Variants in AUTS2 observed in about 807,000 individuals in gnomAD.
AUTS2 encodes the protein autism susceptibility gene 2 protein.
A neutral mutation model predicts 112.4 loss-of-function variants in AUTS2; 17 were observed. The observed-to-expected ratio is 0.15, with a 90% CI of 0.10 to 0.23. AUTS2 has a LOEUF of 0.23. AUTS2 is among the 10% of genes least tolerant of loss of function. AUTS2 has a pLI of 1.00. For missense variants in AUTS2, 1,510 were observed against 1,701.6 expected (o/e 0.89, Z 1.98); for synonymous variants, 751 against 702.7 (o/e 1.07, Z -1.09).
At chr7:70,499,799 A>G (rs780135244) in intron 5 of AUTS2, among the ~76,000 whole-genome samples, 6 of 152,252 alleles carry the variant, frequency 3.9e-5, no homozygotes, top group Non-Finnish European at 5.9e-5. Flanking sequence ...GTTAGTTTAC[A>G]GCAAGGTAAG....
In AUTS2 at chr7:69,730,019, T is replaced by TTTTTTTTTTTTTA. The variant is rs10684332; in HGVS notation, c.309+130057_309+130058insTTTTTTTTTTTTA. On this transcript the variant is annotated intron_variant, in intron 1 of 18. Transcript: ENST00000342771. ...ATTTTTTTTTTTTTTTTTTTTTTTT[T>TTTTTTTTTTTTTA]AGAAACTAGGTCTTCCTAAGTAAGT... 2.7e-3 allele frequency among the ~76,000 whole-genome samples: 351 copies of TTTTTTTTTTTTTA among 131,934 alleles called. 13 individuals carry two copies. Among genetic ancestry groups the TTTTTTTTTTTTTA allele is most frequent in the African/African-American group, 6.8e-3 (217 of 32,018 alleles). The allele number at this position is 131,934 out of a possible 152,430, so 86.6% of individuals were successfully genotyped here.
chr7:70,063,784 C>T (rs1802366331), intron 2 of AUTS2, among the ~76,000 whole-genome samples: 1 of 152,182 alleles, frequency 6.6e-6, no homozygotes, highest in African/African-American at 2.4e-5. Context: ...CACACTTCAC[C>T]TGCTCTCCAG....
chr7:70,195,244 G>C (rs928120054), intron 4 of AUTS2, among the ~76,000 whole-genome samples: 3 of 152,210 alleles, frequency 2.0e-5, no homozygotes, highest in African/African-American at 7.2e-5. Flanking sequence ...AATTATGTCT[G>C]TCTGTAGGAA....
intron 5 of AUTS2, among the ~76,000 whole-genome samples, chr7:70,546,595 A>G (rs922146084): frequency 6.6e-6 from 1 of 152,008 alleles, no homozygotes; most frequent in East Asian, 1.9e-4. Flanking sequence ...TGGCTAACAC[A>G]GTGAAACCCC....
intron 5 of AUTS2, among the ~76,000 whole-genome samples, chr7:70,569,673 G>C (rs951171663): frequency 6.6e-6 from 1 of 152,192 alleles, no homozygotes. Context: ...ACAGATAGTA[G>C]GCTACAGATC....
chr7:70,691,998 A>C (rs574958588), intron 5 of AUTS2, among the ~76,000 whole-genome samples: 3 of 150,592 alleles, frequency 2.0e-5, no homozygotes, highest in African/African-American at 7.3e-5. Flanking sequence ...CTCCTGCCTC[A>C]GCCTCCCAAG....
chr7:70,394,029 A>G (rs1793979961), intron 4 of AUTS2, among the ~76,000 whole-genome samples: 1 of 152,130 alleles, frequency 6.6e-6, no homozygotes. Context: ...GCTGGTTGTT[A>G]TTGCCTGGTA....
intron 5 of AUTS2, among the ~76,000 whole-genome samples, chr7:70,515,818 G>A (rs1432848439): frequency 6.6e-6 from 1 of 152,024 alleles, no homozygotes; most frequent in African/African-American, 2.4e-5. Context: ...AAAATGTTAA[G>A]AGGAAACTGT....
intron 4 of AUTS2, among the ~76,000 whole-genome samples, chr7:70,160,924 G>A (rs1808042508): frequency 6.6e-6 from 1 of 152,148 alleles, no homozygotes; most frequent in African/African-American, 2.4e-5. Context: ...AGACATTTGT[G>A]GAAGGGAATG....
chr7:69,717,175 G>A (rs1798658654), intron 1 of AUTS2, among the ~76,000 whole-genome samples: 1 of 152,168 alleles, frequency 6.6e-6, no homozygotes. Flanking sequence ...GACAGATTCA[G>A]GCTTACATCA....
At chr7:70,048,336 C>A (rs1801597524) in intron 2 of AUTS2, among the ~76,000 whole-genome samples, 1 of 152,198 alleles carries the variant, frequency 6.6e-6, no homozygotes, top group Non-Finnish European at 1.5e-5. Context: ...GTCCCCTTAA[C>A]AAGCTCTGGA....
intron 2 of AUTS2, among the ~76,000 whole-genome samples, chr7:70,073,622 T>C (rs1161085754): frequency 1.3e-5 from 2 of 152,164 alleles, no homozygotes; most frequent in Admixed American, 6.6e-5. Flanking sequence ...GGCAGATTAC[T>C]TAATCTCTCT....
intron 4 of AUTS2, among the ~76,000 whole-genome samples, chr7:70,312,120 C>T (rs762674930): frequency 6.6e-6 from 1 of 152,076 alleles, no homozygotes; most frequent in African/African-American, 2.4e-5. Flanking sequence ...CAGCCTCCCA[C>T]AGTGCTGGGA....
chr7:69,639,836 C>G (rs1379766831), intron 1 of AUTS2, among the ~76,000 whole-genome samples: 6 of 152,200 alleles, frequency 3.9e-5, no homozygotes, highest in Non-Finnish European at 8.8e-5. Context: ...ACTGTTACTT[C>G]ATAAAACAAT....
At chr7:69,612,355 C>T (rs1179586663) in intron 1 of AUTS2, among the ~76,000 whole-genome samples, 1 of 151,988 alleles carries the variant, frequency 6.6e-6, no homozygotes, top group Admixed American at 6.6e-5. Flanking sequence ...TTAATTTTTC[C>T]TTGGTCTGTT....
intron 5 of AUTS2, among the ~76,000 whole-genome samples, chr7:70,554,794 A>G (rs1383263546): frequency 6.6e-6 from 1 of 152,198 alleles, no homozygotes; most frequent in Non-Finnish European, 1.5e-5. Flanking sequence ...TGACTCATAA[A>G]GGCAGGCTGC....
chr7:70,130,333 A>G (rs1301968303), intron 3 of AUTS2, among the ~76,000 whole-genome samples: 4 of 152,204 alleles, frequency 2.6e-5, no homozygotes, highest in Admixed American at 1.3e-4. Context: ...TGGATAATCA[A>G]TTTTGAAATC....
In AUTS2 at chr7:70,721,279, C is replaced by CGTGTGTGTGTGTGTGTGT. The variant is rs55885084; in HGVS notation, c.742+22676_742+22693dup. On this transcript the variant is annotated intron_variant, in intron 6 of 18. Transcript: ENST00000342771. ...CGTGTGTGACAGCCAGAATTTCATT[C>CGTGTGTGTGTGTGTGTGT]GTGTGTGTGTGTGTGTGTGTGTGTG... Among the ~76,000 whole-genome samples the CGTGTGTGTGTGTGTGTGT allele has an allele frequency of 4.2e-3, 587 of 140,130 alleles. 3 individuals carry two copies. Among genetic ancestry groups the CGTGTGTGTGTGTGTGTGT allele is most frequent in the East Asian group, 0.013 (60 of 4,542 alleles). 91.9% of individuals were successfully genotyped at this position (140,130 alleles called of 152,430 possible). A position where few individuals can be genotyped will look rare whatever the true frequency, so the allele number is the denominator to read the frequency against.
intron 5 of AUTS2, among the ~76,000 whole-genome samples, chr7:70,455,367 G>A (rs1042992266): frequency 6.6e-6 from 1 of 152,174 alleles, no homozygotes; most frequent in Non-Finnish European, 1.5e-5. Context: ...GGCAAGGACT[G>A]AAGTGGGGAG....
Sources: gnomAD v4.1 joint callset for allele counts (sites outside exome capture counted in the v4.1 genomes callset) on GRCh38, gnomAD v4.1.1 for gene constraint, MANE v1.5 for transcripts, NCBI Gene and HGNC (gene_info 2026-07-23, HGNC 2026-07-21) for gene names.